TBC1D22A: variants seen among roughly 807,000 people sequenced by gnomAD.
The protein encoded by TBC1D22A is TBC1 domain family member 22A.
In TBC1D22A, 38 loss-of-function variants were observed where a neutral mutation model predicts 60.2. The ratio of observed to expected loss-of-function variants is 0.63; its 90% CI spans 0.49 to 0.83. TBC1D22A has a LOEUF of 0.83. Among genes scored for constraint, TBC1D22A ranks in the 40% least tolerant of loss-of-function variants. The pLI, the probability that TBC1D22A is intolerant of heterozygous loss-of-function variation, is 0.00. For synonymous variants in TBC1D22A, 302 were observed against 281.7 expected, an observed-to-expected ratio of 1.07 and a Z score of -0.72; for missense variants, 628 against 701.0, an observed-to-expected ratio of 0.90 and a Z score of 1.18.
intron 8 of TBC1D22A, chr22:46,913,455 T>C (rs16995971): frequency 0.044 from 59,183 of 1,357,012 alleles, 3,244 homozygotes; most frequent in African/African-American, 0.25. Context: ...AAGTAGTGAA[T>C]TTTACTGCAG....
chr22:46,938,583 T>TTC (rs1211031988), intron 8 of TBC1D22A, among the ~76,000 whole-genome samples: 1 of 148,510 alleles, frequency 6.7e-6, no homozygotes, highest in African/African-American at 2.6e-5. Context: ...AATCAGTTAT[T>TTC]TCTCTCTTTT....
At chr22:47,017,624 G>C (rs1375618692) in intron 10 of TBC1D22A, among the ~76,000 whole-genome samples, 1 of 152,178 alleles carries the variant, frequency 6.6e-6, no homozygotes, top group East Asian at 1.9e-4. Flanking sequence ...CAGGCTTTGT[G>C]TGACCCATCA....
intron 1 of TBC1D22A, among the ~76,000 whole-genome samples, chr22:46,781,852 G>T (rs773640492): frequency 1.3e-5 from 2 of 152,232 alleles, no homozygotes; most frequent in Non-Finnish European, 2.9e-5. Flanking sequence ...CTGTGTGTTT[G>T]TAGGATCAGC....
chr22:47,173,428 G>T (rs1484545292), intron 12 of TBC1D22A, 70 bp from the exon 13 acceptor site: 1 of 1,588,138 alleles, frequency 6.3e-7, no homozygotes, highest in Non-Finnish European at 8.6e-7. Flanking sequence ...TTTCCCTCCA[G>T]TTTTCTGGGG....
chr22:47,057,884 A>G (rs1248734689), intron 11 of TBC1D22A, among the ~76,000 whole-genome samples: 3 of 152,200 alleles, frequency 2.0e-5, no homozygotes, highest in Non-Finnish European at 2.9e-5. Context: ...ATGGGGGTTT[A>G]TAAGGTGAAA....
chr22:46,898,505 AT>A (rs2068805154), intron 7 of TBC1D22A, among the ~76,000 whole-genome samples: 1 of 142,826 alleles, frequency 7.0e-6, no homozygotes, highest in East Asian at 2.0e-4. Context: ...AAAAACATTC[AT>A]GCCTTTGTCT....
chr22:46,833,987 T>C (rs770959295), intron 4 of TBC1D22A, among the ~76,000 whole-genome samples: 4 of 152,250 alleles, frequency 2.6e-5, no homozygotes, highest in Non-Finnish European at 5.9e-5. Context: ...CTTTCCATTT[T>C]CTTTTTCTTT....
rs182279726 is a variant in TBC1D22A at position 46,774,085 on chromosome 22, C to T, written c.62+11237C>T. 4.2e-4 allele frequency: 415 copies of T among 985,630 alleles called. 1 individual carries two copies. The East Asian group carries it at 4.5e-3, about 11-fold the overall frequency. 61.1% of individuals were successfully genotyped at this position (985,630 alleles called of 1,614,324 possible). A position where few individuals can be genotyped will look rare whatever the true frequency, so the allele number is the denominator to read the frequency against. On this transcript the variant is annotated intron_variant, in intron 1 of 12. Coordinates refer to ENST00000337137, the MANE Select transcript of TBC1D22A (RefSeq NM_014346.5). ...TGGGTGGAGGTGTTCCTCCCGCCCC[C>T]GCACCCATCCTCCTGTTTGAACTCA... is the stretch of plus-strand genomic sequence containing the variant.
rs1179004653 is a variant in TBC1D22A, at chr22:47,055,874, A to ATGAGATACGCCACTGAGGGTCGG, written c.1329+18697_1329+18719dup. On this transcript the variant is annotated intron_variant, in intron 11 of 12. Transcript: ENST00000337137. ...CAGTGAGATACGCCACGGAGGGTTG[A>ATGAGATACGCCACTGAGGGTCGG]TGAGATACGCCACTGAGGGTCGGTG... is the stretch of plus-strand genomic sequence containing the variant. 7.7e-3 allele frequency among the ~76,000 whole-genome samples: 721 copies of ATGAGATACGCCACTGAGGGTCGG among 93,880 alleles called. 6 individuals carry two copies. The highest frequency in any genetic ancestry group is 0.021 in the African/African-American group (636 of 29,662). 61.6% of individuals were successfully genotyped at this position (93,880 alleles called of 152,430 possible).
intron 10 of TBC1D22A, among the ~76,000 whole-genome samples, chr22:47,000,651 C>A (rs951617260): frequency 2.6e-5 from 4 of 152,088 alleles, no homozygotes; most frequent in African/African-American, 7.2e-5. Flanking sequence ...TCCTTCGGGA[C>A]AGACATTGTA....
At chr22:47,008,291 G>A (rs2061651186) in intron 10 of TBC1D22A, among the ~76,000 whole-genome samples, 1 of 152,136 alleles carries the variant, frequency 6.6e-6, no homozygotes, top group Non-Finnish European at 1.5e-5. Context: ...GGTTGAGGAT[G>A]TGAGCATCTT....
At chr22:47,018,712 G>A (rs1156818345) in intron 10 of TBC1D22A, among the ~76,000 whole-genome samples, 5 of 152,126 alleles carry the variant, frequency 3.3e-5, no homozygotes, top group African/African-American at 7.2e-5. Context: ...CCCCACCACC[G>A]TGTCTCCTGC....
intron 9 of TBC1D22A, among the ~76,000 whole-genome samples, chr22:46,994,276 C>T (rs1218054661): frequency 2.6e-5 from 4 of 152,210 alleles, no homozygotes; most frequent in Non-Finnish European, 5.9e-5. Context: ...GGAGAGCCAC[C>T]GAATGGCTGA....
chr22:46,913,824 C>A, intron 8 of TBC1D22A: 2 of 934,190 alleles, frequency 2.1e-6, no homozygotes, highest in Non-Finnish European at 2.6e-6. Context: ...AAGACCTAAG[C>A]GATTCTTAAT....
At chr22:46,796,655 A>G (rs1374497430) in intron 3 of TBC1D22A, among the ~76,000 whole-genome samples, 1 of 146,344 alleles carries the variant, frequency 6.8e-6, no homozygotes, top group Non-Finnish European at 1.5e-5. Context: ...GCTGGGTGGA[A>G]CGTGCTGTCT....
chr22:47,121,009 C>T (rs1430335697), intron 12 of TBC1D22A, among the ~76,000 whole-genome samples: 4 of 152,184 alleles, frequency 2.6e-5, no homozygotes, highest in South Asian at 2.1e-4. Flanking sequence ...TCATTCACAA[C>T]GTAGCTTATA....
chr22:47,032,204 T>C (rs1187448369), intron 10 of TBC1D22A, among the ~76,000 whole-genome samples: 1 of 151,990 alleles, frequency 6.6e-6, no homozygotes, highest in East Asian at 1.9e-4. Flanking sequence ...TCCCCAGCAG[T>C]CACCTCATCC....
At chr22:47,118,790 T>TACACACACACAC (rs146644664) in intron 12 of TBC1D22A, among the ~76,000 whole-genome samples, 3 of 125,426 alleles carry the variant, frequency 2.4e-5, no homozygotes, top group Admixed American at 8.4e-5. Context: ...AAGAGGAATT[T>TACACACACACAC]ACACACACAC....
intron 4 of TBC1D22A, among the ~76,000 whole-genome samples, chr22:46,862,850 G>C (rs1306902791): frequency 6.6e-6 from 1 of 152,172 alleles, no homozygotes; most frequent in Admixed American, 6.5e-5. Flanking sequence ...TGCAGGACTG[G>C]GGAGCATGGG....
Sources: gnomAD v4.1 joint callset for allele counts (sites outside exome capture counted in the v4.1 genomes callset) on GRCh38, gnomAD v4.1.1 for gene constraint, MANE v1.5 for transcripts, NCBI Gene and HGNC (gene_info 2026-07-23, HGNC 2026-07-21) for gene names.